STYXL1: variants seen among roughly 807,000 people sequenced by gnomAD.
STYXL1 encodes the protein serine/threonine/tyrosine-interacting-like protein 1.
Under a neutral mutation model 36.4 loss-of-function variants are expected in STYXL1, and 32 were observed. The observed-to-expected ratio is 0.88, with a 90% CI of 0.66 to 1.18. STYXL1 has a LOEUF of 1.18. Among genes scored for constraint, STYXL1 ranks in the 50% most tolerant of loss-of-function variants. The pLI is 0.00. For missense variants in STYXL1, 354 were observed against 394.1 expected (o/e 0.90, Z 0.86); for synonymous variants, 133 against 144.1 (o/e 0.92, Z 0.55).
At chr7:76,025,743 T>C (rs776213961) in intron 3 of STYXL1, among the ~76,000 whole-genome samples, 6 of 151,638 alleles carry the variant, frequency 4.0e-5, no homozygotes, top group Non-Finnish European at 8.8e-5. Context: ...TGAGCTGAGA[T>C]TGTACCACTG....
chr7:75,996,630 A>G, intron 8 of STYXL1, 31 bp from the exon 9 acceptor site: 1 of 1,610,750 alleles, frequency 6.2e-7, no homozygotes, highest in Non-Finnish European at 8.5e-7. Flanking sequence ...AGTGAACTTC[A>G]CGATTGGTCC....
chr7:76,007,155 G>A (rs115721218), intron 5 of STYXL1, among the ~76,000 whole-genome samples: 1 of 152,162 alleles, frequency 6.6e-6, no homozygotes, highest in Non-Finnish European at 1.5e-5. Context: ...GGCCAGGTGA[G>A]GTGGCTCACA....
At chr7:76,026,595 G>A (rs1325300549) in intron 3 of STYXL1, among the ~76,000 whole-genome samples, 1 of 152,184 alleles carries the variant, frequency 6.6e-6, no homozygotes, top group African/African-American at 2.4e-5. Flanking sequence ...AATTTTAGAT[G>A]TAAACTTGCC....
At chr7:76,013,617 A>C in intron 5 of STYXL1, 125 bp downstream of exon 5, 1 of 1,393,558 alleles carries the variant, frequency 7.2e-7, no homozygotes. Flanking sequence ...TATAGACAGA[A>C]TCTCCTCCAC....
chr7:75,999,551 G>GTGTGTGTGTGTGTGTGTGTA (rs1421403301), intron 8 of STYXL1, among the ~76,000 whole-genome samples: 1 of 80,132 alleles, frequency 1.2e-5, no homozygotes, highest in South Asian at 4.0e-4. Context: ...GTGTGTGTGT[G>GTGTGTGTGTGTGTGTGTGTA]TATATTTTTT....
intron 1 of STYXL1, among the ~76,000 whole-genome samples, chr7:76,046,234 TGA>T (rs1796945590): frequency 6.6e-6 from 1 of 150,544 alleles, no homozygotes; most frequent in Non-Finnish European, 1.5e-5. Context: ...AATGTTCCAT[TGA>T]GAAACACCTA....
rs150560861 is a variant in STYXL1, at chr7:76,029,463, A to C, written c.104-760T>G. Among the ~76,000 whole-genome samples, 1,004 of 152,184 alleles carry C rather than the reference A, an allele frequency of 6.6e-3. 12 individuals are homozygous for C. Among genetic ancestry groups the C allele is most frequent in the African/African-American group, 0.021 (872 of 41,532 alleles). On this transcript the variant is annotated intron_variant, in intron 2 of 8. Coordinates refer to ENST00000359697, the MANE Select transcript of STYXL1 (RefSeq NM_001317785.2). ...CACCTGGCCTCTTAACAGCTTTCTA[A>C]AGCAGCGATCCCCAATCTTTTTGGC...
intron 3 of STYXL1, among the ~76,000 whole-genome samples, chr7:76,026,839 G>A (rs903540619): frequency 1.1e-4 from 16 of 152,164 alleles, no homozygotes; most frequent in African/African-American, 3.9e-4. Context: ...ACGAGGTCAG[G>A]AGTTCCAGAC....
chr7:76,003,096 G>A (rs1791198886), intron 7 of STYXL1, among the ~76,000 whole-genome samples: 1 of 151,964 alleles, frequency 6.6e-6, no homozygotes, highest in Non-Finnish European at 1.5e-5. Context: ...TGGCAATCTG[G>A]AGCCCCAGGA....
chr7:76,030,348 T>A, intron 2 of STYXL1, 73 bp downstream of exon 2: 2 of 1,005,358 alleles, frequency 2.0e-6, no homozygotes, highest in Admixed American at 1.9e-5. Context: ...CCGCCAAAAG[T>A]TTGTTAACTC....
rs1485382575 is a variant in STYXL1, at chr7:76,021,574, C to T, written c.307+277G>A. The stretch of plus-strand genomic sequence containing the variant: ...GTCCTGATTATTTCATCCCCCTTTC[C>T]TCAACCAATCAATGACCCCAACTTT... On this transcript the variant is annotated intron_variant, in intron 4 of 8. Transcript: ENST00000359697. 3.9e-5 allele frequency among the ~76,000 whole-genome samples: 6 copies of T among 152,248 alleles called. No individual in the cohort carries two copies. The East Asian group carries it at 5.8e-4, about 15-fold the overall frequency.
intron 5 of STYXL1, 118 bp from the exon 6 acceptor site, chr7:76,005,522 G>GT (rs1554569869): frequency 1.1e-6 from 1 of 937,880 alleles, no homozygotes; most frequent in Non-Finnish European, 1.6e-6. Flanking sequence ...GACAGTGAAT[G>GT]TGACGGAGAT....
intron 1 of STYXL1, among the ~76,000 whole-genome samples, chr7:76,042,116 T>C (rs1486277057): frequency 6.6e-6 from 1 of 152,194 alleles, no homozygotes; most frequent in Admixed American, 6.5e-5. Context: ...GTCTGTGACC[T>C]TGGTATGGGG....
At chr7:75,997,258 CCT>C (rs1554564410) in intron 8 of STYXL1, among the ~76,000 whole-genome samples, 2 of 152,120 alleles carry the variant, frequency 1.3e-5, no homozygotes, top group African/African-American at 2.4e-5. Context: ...GTGGCGAAAC[CCT>C]GTCTCTACTA....
At chr7:76,036,765 T>C (rs1303049884) in intron 1 of STYXL1, among the ~76,000 whole-genome samples, 4 of 150,846 alleles carry the variant, frequency 2.7e-5, no homozygotes, top group Non-Finnish European at 5.9e-5. Flanking sequence ...ACAGGACTCT[T>C]TCAACACAGT....
At chr7:75,999,509 G>GTGTGTGTGTGTA (rs782747902) in intron 8 of STYXL1, among the ~76,000 whole-genome samples, 4 of 102,098 alleles carry the variant, frequency 3.9e-5, no homozygotes, top group African/African-American at 1.2e-4. Context: ...GTGTGTGTGT[G>GTGTGTGTGTGTA]TATGTGTGTG....
chr7:76,001,025 G>T, intron 7 of STYXL1, 23 bp from the exon 8 acceptor site: 1 of 1,589,538 alleles, frequency 6.3e-7, no homozygotes, highest in Non-Finnish European at 8.6e-7. Context: ...GTGGGGGGTT[G>T]GGTCATGCCT....
intron 7 of STYXL1, among the ~76,000 whole-genome samples, chr7:76,001,361 C>T (rs1296195257): frequency 1.3e-5 from 2 of 152,232 alleles, no homozygotes; most frequent in African/African-American, 4.8e-5. Context: ...CTGACAGAGC[C>T]AGTGTAGCCT....
rs782076323 is a variant in STYXL1, at chr7:76,001,000, T to C, written c.700A>G (p.Ile234Val). The C allele has an allele frequency of 2.5e-6, 4 of 1,613,688 alleles. No homozygotes were observed. Among genetic ancestry groups the C allele is most frequent in the Non-Finnish European group, 3.4e-6 (4 of 1,179,608 alleles). Reference sequence around the variant, plus strand: ...ATGACAGAGCCAAGGTGATGGTGAATTTCTGCAAAAAGAAGTGGGGGGTTG... The same window carrying C: ...ATGACAGAGCCAAGGTGATGGTGAACTTCTGCAAAAAGAAGTGGGGGGTTG... ...FLRHMCHFIE[I>V]HHHLGSVILI... Residue 234 changes from isoleucine to valine, a missense_variant and splice_region_variant, in exon 8 of 9, where the codon ATT (isoleucine) becomes GTT (valine). By Grantham distance (29) the Ile-to-Val change is conservative (BLOSUM62 3). Coordinates refer to ENST00000359697, the MANE Select transcript of STYXL1 (RefSeq NM_001317785.2).
Sources: gnomAD v4.1 joint callset for allele counts (sites outside exome capture counted in the v4.1 genomes callset) on GRCh38, gnomAD v4.1.1 for gene constraint, MANE v1.5 for transcripts, NCBI Gene and HGNC (gene_info 2026-07-23, HGNC 2026-07-21) for gene names.